ESRRB: variants seen among roughly 807,000 people sequenced by gnomAD.
ESRRB encodes estrogen related receptor beta.
A neutral mutation model predicts 46.0 loss-of-function variants in ESRRB; 16 were observed. That is an observed-to-expected ratio of 0.35 (90% CI 0.24 to 0.53). ESRRB has a LOEUF of 0.53. Ranked by LOEUF, ESRRB falls within the 20% of genes least tolerant of loss-of-function variation. The probability of loss-of-function intolerance (pLI) is 0.93; values close to 1 mark genes in which losing one functional copy is unlikely to be tolerated. For synonymous variants in ESRRB, 246 were observed against 259.6 expected (o/e 0.95, Z 0.50); for missense variants, 488 against 607.4 (o/e 0.80, Z 2.07).
chr14:76,351,986 TAA>T (rs201356393), intron 1 of ESRRB, among the ~76,000 whole-genome samples: 9 of 91,778 alleles, frequency 9.8e-5, no homozygotes, highest in South Asian at 3.8e-4. Flanking sequence ...CCCAGTCTCT[TAA>T]AAAAAAAAAA....
At chr14:76,497,072 G>A (rs1381613137) in intron 6 of ESRRB, among the ~76,000 whole-genome samples, 1 of 152,190 alleles carries the variant, frequency 6.6e-6, no homozygotes, top group Non-Finnish European at 1.5e-5. Context: ...AGGATGGAGA[G>A]GGCGGGGAGA....
chr14:76,462,441 TG>T, intron 2 of ESRRB, 103 bp from the exon 3 acceptor site: 1 of 798,688 alleles, frequency 1.3e-6, no homozygotes, highest in Non-Finnish European at 2.1e-6. Context: ...TAGGGGGGAG[TG>T]GCAGCTCTGG....
intron 1 of ESRRB, among the ~76,000 whole-genome samples, chr14:76,433,962 ATTTT>A (rs35905714): frequency 1.1e-4 from 15 of 132,996 alleles, no homozygotes; most frequent in African/African-American, 3.1e-4. Context: ...CTGCCTTTAC[ATTTT>A]TTTTTTTTTT....
At chr14:76,489,476 C>CACACACACACAT (rs1566614570) in intron 5 of ESRRB, among the ~76,000 whole-genome samples, 1 of 151,770 alleles carries the variant, frequency 6.6e-6, no homozygotes, top group Non-Finnish European at 1.5e-5. Context: ...CACACACACA[C>CACACACACACAT]ACACCCTGAT....
intron 1 of ESRRB, chr14:76,404,361 A>G (rs892916578): frequency 6.7e-6 from 1 of 149,334 alleles, no homozygotes; most frequent in African/African-American, 2.4e-5. Flanking sequence ...ATATAATATT[A>G]TATAATATAA....
In ESRRB at chr14:76,498,653, G is replaced by GGGGGGGGGGGGC; in HGVS notation, c.*195_*196insGGGGGGGGGGGC. ...TGGGGTGGGGGACGGGGATGGGGGG[G>GGGGGGGGGGGGC]CAGGGGTGTGGGGCTCGACTGTAAC... is the stretch of plus-strand genomic sequence containing the variant. On this transcript the variant is annotated 3_prime_UTR_variant, in exon 7 of 7. Coordinates refer to ENST00000644823, the MANE Select transcript of ESRRB (RefSeq NM_001379180.1). 2.1e-6 allele frequency: 1 copy of GGGGGGGGGGGGC among 484,486 alleles called. No homozygotes were observed. The highest frequency in any genetic ancestry group is 1.6e-5 in the South Asian group (1 of 63,720). The allele number at this position is 484,486 out of a possible 1,614,324, so 30.0% of individuals were successfully genotyped here. A position where few individuals can be genotyped will look rare whatever the true frequency, so the allele number is the denominator to read the frequency against.
At chr14:76,442,816 C>CTTTTTTTTTTTTTTTT (rs1245748328) in intron 2 of ESRRB, among the ~76,000 whole-genome samples, 14 of 131,080 alleles carry the variant, frequency 1.1e-4, no homozygotes, top group Non-Finnish European at 1.6e-4. Context: ...TCTTTTTTTT[C>CTTTTTTTTTTTTTTTT]TTTTTTTTTT....
chr14:76,336,178 C>T (rs59935386), intron 1 of ESRRB, among the ~76,000 whole-genome samples: 8,301 of 152,236 alleles, frequency 0.055, 264 homozygotes, highest in East Asian at 0.15. Flanking sequence ...TGACAGGGAG[C>T]CATTGCCAGG....
chr14:76,345,253 C>A (rs988723074), intron 1 of ESRRB, among the ~76,000 whole-genome samples: 2 of 152,286 alleles, frequency 1.3e-5, no homozygotes, highest in South Asian at 2.1e-4. Context: ...AGTAAACAGA[C>A]AACCCACAGA....
chr14:76,324,540 T>G (rs371616762), intron 1 of ESRRB, among the ~76,000 whole-genome samples: 7 of 152,270 alleles, frequency 4.6e-5, no homozygotes, highest in African/African-American at 1.4e-4. Flanking sequence ...AATGTGACCA[T>G]GAGCTTCCAT....
chr14:76,322,252 C>G (rs1338625465), intron 1 of ESRRB, among the ~76,000 whole-genome samples: 1 of 152,192 alleles, frequency 6.6e-6, no homozygotes, highest in East Asian at 1.9e-4. Flanking sequence ...CAGGTCAGCC[C>G]TCTGTTAATC....
At position 76,499,021 on chromosome 14, in the gene ESRRB, G is replaced by C. The variant is rs1207239432; in HGVS notation, c.*563G>C. On this transcript the variant is annotated 3_prime_UTR_variant, in exon 7 of 7. Coordinates refer to ENST00000644823, the MANE Select transcript of ESRRB (RefSeq NM_001379180.1). ...TTCCACAGTTTCCACTCAGCTTTCAGCCAGGGGGTACCCACAGGAGAGCAG... is the reference window on the plus strand; with the variant it reads ...TTCCACAGTTTCCACTCAGCTTTCACCCAGGGGGTACCCACAGGAGAGCAG... The C allele has an allele frequency of 8.3e-6, 3 of 359,428 alleles. No homozygotes were observed. Among genetic ancestry groups the C allele is most frequent in the Non-Finnish European group, 1.7e-5 (3 of 176,448 alleles). 22.3% of individuals were successfully genotyped at this position (359,428 alleles called of 1,614,324 possible). A position where few individuals can be genotyped will look rare whatever the true frequency, so the allele number is the denominator to read the frequency against.
intron 1 of ESRRB, among the ~76,000 whole-genome samples, chr14:76,380,114 C>T (rs1337236050): frequency 6.6e-6 from 1 of 152,132 alleles, no homozygotes; most frequent in East Asian, 1.9e-4. Flanking sequence ...CATTCATATT[C>T]CTGATAACTG....
chr14:76,320,759 C>T (rs1016639442), intron 1 of ESRRB, among the ~76,000 whole-genome samples: 1 of 152,084 alleles, frequency 6.6e-6, no homozygotes, highest in African/African-American at 2.4e-5. Context: ...TGGTTGGTGC[C>T]TTCATGGTGT....
At chr14:76,426,718 A>G (rs1887217631) in intron 1 of ESRRB, among the ~76,000 whole-genome samples, 1 of 152,148 alleles carries the variant, frequency 6.6e-6, no homozygotes, top group African/African-American at 2.4e-5. Context: ...AGTGTCAAGC[A>G]TGCAGTAGAT....
At chr14:76,481,903 T>A (rs1595162018) in intron 3 of ESRRB, 113 bp from the exon 4 acceptor site, 1 of 928,366 alleles carries the variant, frequency 1.1e-6, no homozygotes, top group South Asian at 1.4e-5. Flanking sequence ...CTGTCGAAGG[T>A]CATCCGAGCA....
intron 1 of ESRRB, among the ~76,000 whole-genome samples, chr14:76,316,023 C>G (rs1883796074): frequency 6.6e-6 from 1 of 152,236 alleles, no homozygotes; most frequent in South Asian, 2.1e-4. Context: ...CCCTCCACCC[C>G]ACATTCTCAG....
intron 1 of ESRRB, among the ~76,000 whole-genome samples, chr14:76,342,904 A>G (rs1884208313): frequency 6.6e-6 from 1 of 152,226 alleles, no homozygotes; most frequent in Non-Finnish European, 1.5e-5. Context: ...TTTATGTTCC[A>G]GTAGAAAAAT....
At chr14:76,469,945 T>G (rs1404618931) in intron 3 of ESRRB, among the ~76,000 whole-genome samples, 2 of 111,202 alleles carry the variant, frequency 1.8e-5, no homozygotes, top group Non-Finnish European at 3.6e-5. Flanking sequence ...TTTTTTTTTC[T>G]TTTTTTTTTT....
Sources: allele counts gnomAD v4.1 joint callset (sites outside exome capture counted in the v4.1 genomes callset), GRCh38; gene constraint gnomAD v4.1.1; transcripts MANE v1.5; gene names NCBI Gene and HGNC (gene_info 2026-07-23, HGNC 2026-07-21).